The following FBXO25 variants were observed in gnomAD, a reference collection of about 807,000 sequenced individuals.
FBXO25 encodes F-box protein 25.
FBXO25 carries 45 observed loss-of-function variants against 51.9 expected under a neutral mutation model. The observed-to-expected ratio is 0.87, with a 90% CI of 0.68 to 1.11. FBXO25 has a LOEUF of 1.11. Among genes scored for constraint, FBXO25 ranks in the 50% most tolerant of loss-of-function variants. The probability of loss-of-function intolerance (pLI) is 0.00; values close to 1 mark genes in which losing one functional copy is unlikely to be tolerated. For synonymous variants in FBXO25, 199 were observed against 151.0 expected, an observed-to-expected ratio of 1.32 and a Z score of -2.33; for missense variants, 507 against 428.5, an observed-to-expected ratio of 1.18 and a Z score of -1.62.
At position 475,571 on chromosome 8, in the gene FBXO25, T is replaced by C. The variant is rs1260439458; in HGVS notation, c.*6767T>C. The C allele has an allele frequency of 6.6e-6, 1 of 152,250 alleles. No individual in the cohort carries two copies. Among genetic ancestry groups the C allele is most frequent in the Non-Finnish European group, 1.5e-5 (1 of 68,054 alleles). 9.4% of individuals were successfully genotyped at this position (152,250 alleles called of 1,614,324 possible). ...TAAACACGGGATTGCTTTCTATTTA[T>C]TTGTGTTGACCTTACTTTCTTTAAG... On this transcript the variant is annotated 3_prime_UTR_variant, in exon 10 of 10. Transcript: ENST00000350302.
chr8:444,695 A>G (rs193063423), intron 5 of FBXO25, among the ~76,000 whole-genome samples: 5 of 152,348 alleles, frequency 3.3e-5, no homozygotes, highest in East Asian at 3.9e-4. Flanking sequence ...GTTTTGGTCA[A>G]TGACCGACCG....
chr8:449,627 A>G (rs955404939), intron 5 of FBXO25, among the ~76,000 whole-genome samples: 11 of 152,308 alleles, frequency 7.2e-5, no homozygotes, highest in South Asian at 4.1e-4. Context: ...TTAGTGCCCA[A>G]CCATTCATTC....
intron 5 of FBXO25, among the ~76,000 whole-genome samples, chr8:446,044 G>A (rs112389535): frequency 6.6e-6 from 1 of 151,808 alleles, no homozygotes; most frequent in Non-Finnish European, 1.5e-5. Context: ...CTGGTGTCTG[G>A]TGGGATGGAG....
intron 2 of FBXO25, among the ~76,000 whole-genome samples, chr8:424,562 G>A (rs1401055154): frequency 6.6e-6 from 1 of 152,144 alleles, no homozygotes; most frequent in Admixed American, 6.5e-5. Flanking sequence ...TAGGGGTCTG[G>A]CTTCAGTCTT....
intron 1 of FBXO25, among the ~76,000 whole-genome samples, chr8:407,738 C>G (rs1487544854): frequency 1.3e-5 from 2 of 152,248 alleles, no homozygotes; most frequent in Middle Eastern, 3.4e-3. Flanking sequence ...TGCTGCTTAC[C>G]TTTTTTTCCC....
chr8:474,543 C>G lies in FBXO25; in HGVS notation c.*5739C>G, dbSNP rs1002164504. ...AGGTTCCAGTTTTGCCACATCCTTGCCAACACCTGTTTTTAATAATTGCCA... is the reference window on the plus strand; with the variant it reads ...AGGTTCCAGTTTTGCCACATCCTTGGCAACACCTGTTTTTAATAATTGCCA... On this transcript the variant is annotated 3_prime_UTR_variant, in exon 10 of 10. Coordinates refer to ENST00000350302, the MANE Select transcript of FBXO25 (RefSeq NM_183420.2). 2 of 348,416 alleles carry G rather than the reference C, an allele frequency of 5.7e-6. No individual in the cohort carries two copies. Among genetic ancestry groups the G allele is most frequent in the Non-Finnish European group, 1.1e-5 (2 of 181,084 alleles). 21.6% of individuals were successfully genotyped at this position (348,416 alleles called of 1,614,324 possible).
intron 9 of FBXO25, among the ~76,000 whole-genome samples, chr8:464,721 G>T (rs778981816): frequency 5.3e-5 from 8 of 152,194 alleles, no homozygotes; most frequent in Non-Finnish European, 8.8e-5. Flanking sequence ...GTTGAGCAGA[G>T]AATGTAAAGA....
chr8:423,576 T>A (rs1797287624), intron 2 of FBXO25, among the ~76,000 whole-genome samples: 1 of 152,214 alleles, frequency 6.6e-6, no homozygotes, highest in Non-Finnish European at 1.5e-5. Flanking sequence ...TTAATTTGCT[T>A]AGAATTAAGT....
At chr8:432,458 A>G (rs1198850538) in intron 3 of FBXO25, among the ~76,000 whole-genome samples, 1 of 152,264 alleles carries the variant, frequency 6.6e-6, no homozygotes, top group Non-Finnish European at 1.5e-5. Context: ...TTTATGAAGA[A>G]GATAGGGTCA....
At chr8:424,755 G>A (rs985758260) in intron 2 of FBXO25, among the ~76,000 whole-genome samples, 1 of 152,100 alleles carries the variant, frequency 6.6e-6, no homozygotes, top group Non-Finnish European at 1.5e-5. Flanking sequence ...AGCTGTTTTG[G>A]TTACTGGGGC....
At chr8:449,138 T>C (rs1585071159) in intron 5 of FBXO25, among the ~76,000 whole-genome samples, 1 of 152,202 alleles carries the variant, frequency 6.6e-6, no homozygotes, top group African/African-American at 2.4e-5. Flanking sequence ...AAGTTGTACG[T>C]AAGAAGCACA....
At chr8:419,444 GA>G (rs1797020312) in intron 2 of FBXO25, among the ~76,000 whole-genome samples, 1 of 152,148 alleles carries the variant, frequency 6.6e-6, no homozygotes, top group African/African-American at 2.4e-5. Flanking sequence ...TGGTACTGGC[GA>G]AAAGATAGAT....
At chr8:441,601 T>A (rs1276055073) in intron 5 of FBXO25, among the ~76,000 whole-genome samples, 5 of 152,056 alleles carry the variant, frequency 3.3e-5, no homozygotes, top group African/African-American at 4.8e-5. Flanking sequence ...TGGGAGAAAA[T>A]TTTTGCAATC....
At chr8:425,045 T>G (rs566495015) in intron 2 of FBXO25, among the ~76,000 whole-genome samples, 1 of 152,314 alleles carries the variant, frequency 6.6e-6, no homozygotes, top group African/African-American at 2.4e-5. Flanking sequence ...TTTTTAATGT[T>G]TTTCTTCATT....
intron 2 of FBXO25, among the ~76,000 whole-genome samples, chr8:428,241 G>A (rs1696879960): frequency 6.6e-6 from 1 of 152,028 alleles, no homozygotes; most frequent in South Asian, 2.1e-4. Flanking sequence ...TTGCCTTTTG[G>A]GCACATTTGC....
At chr8:407,357 G>A in intron 1 of FBXO25, 1 of 979,566 alleles carries the variant, frequency 1.0e-6, no homozygotes, top group Non-Finnish European at 1.2e-6. Context: ...GTGCGCGTCT[G>A]CTGAAGTCTG....
chr8:431,324 A>G lies in FBXO25; in HGVS notation c.135-17A>G. On this transcript the variant is annotated splice_polypyrimidine_tract_variant and intron_variant, in intron 2 of 9. Coordinates refer to ENST00000350302, the MANE Select transcript of FBXO25 (RefSeq NM_183420.2). ...CTCCCTGAAAAAATATTTTAATAGA[A>G]TGTGTCTTTATTTCAGTATCTTAAA... 2 of 1,278,676 alleles carry G rather than the reference A, an allele frequency of 1.6e-6. No individual in the cohort carries two copies. The highest frequency in any genetic ancestry group is 1.3e-5 in the South Asian group (1 of 74,962). 79.2% of individuals were successfully genotyped at this position (1,278,676 alleles called of 1,614,324 possible).
intron 1 of FBXO25, among the ~76,000 whole-genome samples, chr8:407,587 A>T (rs1434815819): frequency 3.3e-5 from 5 of 150,534 alleles, no homozygotes; most frequent in Non-Finnish European, 7.4e-5. Flanking sequence ...TGCAGGCCCG[A>T]GCTTGTGTCC....
intron 5 of FBXO25, among the ~76,000 whole-genome samples, chr8:436,813 T>C (rs185122715): frequency 2.7e-4 from 41 of 152,286 alleles, no homozygotes; most frequent in African/African-American, 9.6e-4. Flanking sequence ...CCATACTGAG[T>C]TGCTTTATAG....
Sources: allele counts gnomAD v4.1 joint callset (sites outside exome capture counted in the v4.1 genomes callset), GRCh38; gene constraint gnomAD v4.1.1; transcripts MANE v1.5; gene names NCBI Gene and HGNC (gene_info 2026-07-23, HGNC 2026-07-21).